ENTHD1: variants seen among roughly 807,000 people sequenced by gnomAD.
ENTHD1 encodes ENTH domain containing 1.
In ENTHD1, 23 loss-of-function variants were observed where a neutral mutation model predicts 39.1. The observed-to-expected ratio is 0.59, with a 90% CI of 0.42 to 0.83. The LOEUF (loss-of-function observed/expected upper bound fraction) is 0.83, where lower values mean the gene tolerates loss of function less well. Among genes scored for constraint, ENTHD1 ranks in the 40% least tolerant of loss-of-function variants. The probability of loss-of-function intolerance (pLI) is 0.00; values close to 1 mark genes in which losing one functional copy is unlikely to be tolerated. For missense variants in ENTHD1, 624 were observed against 705.4 expected, an observed-to-expected ratio of 0.88 and a Z score of 1.31; for synonymous variants, 230 against 258.2, an observed-to-expected ratio of 0.89 and a Z score of 1.05.
In ENTHD1 at chr22:39,867,140, C is replaced by T. The variant is rs192225857; in HGVS notation, c.350-5133G>A. ...GGATGGTCTTGATCTCCTGACCTCA[C>T]GATCCACCCACCTCAGCCTCCCAAA... On this transcript the variant is annotated intron_variant, in intron 2 of 6. Coordinates refer to ENST00000325157, the MANE Select transcript of ENTHD1 (RefSeq NM_152512.4). This position sits in a 1 kb window ranked among gnomAD's most constrained non-coding sequence, Gnocchi z 4.5. 7.1e-4 allele frequency among the ~76,000 whole-genome samples: 108 copies of T among 152,196 alleles called. No homozygotes were observed. The East Asian group carries it at 0.02, about 28-fold the overall frequency.
chr22:39,891,141 G>A (rs2066423533), intron 1 of ENTHD1, among the ~76,000 whole-genome samples: 1 of 152,222 alleles, frequency 6.6e-6, no homozygotes, highest in South Asian at 2.1e-4. Flanking sequence ...GAGGGAAGAA[G>A]TTAGGTATTT....
At chr22:39,778,028 A>C (rs1029833863) in intron 5 of ENTHD1, among the ~76,000 whole-genome samples, 9 of 152,342 alleles carry the variant, frequency 5.9e-5, no homozygotes, top group African/African-American at 2.2e-4. Flanking sequence ...AATGACAATA[A>C]AACCCTACAG....
intron 5 of ENTHD1, among the ~76,000 whole-genome samples, chr22:39,813,052 G>A (rs533084241): frequency 9.9e-5 from 15 of 152,248 alleles, no homozygotes; most frequent in African/African-American, 3.6e-4. Context: ...CAAAGTGCTG[G>A]GATTATAGGT....
chr22:39,818,852 A>G (rs961363327), intron 5 of ENTHD1, among the ~76,000 whole-genome samples: 2 of 152,136 alleles, frequency 1.3e-5, no homozygotes, highest in Non-Finnish European at 2.9e-5. Flanking sequence ...ATGCTCATTT[A>G]TACTCAATTT....
chr22:39,842,729 C>T (rs2065954598), intron 3 of ENTHD1, among the ~76,000 whole-genome samples: 2 of 150,972 alleles, frequency 1.3e-5, no homozygotes, highest in Admixed American at 1.3e-4. Context: ...GGGCTAATAT[C>T]CAGAATCTAC....
chr22:39,820,994 T>C lies in ENTHD1; in HGVS notation c.831A>G (p.Ala277=). 1 of 1,613,976 alleles carries C rather than the reference T, an allele frequency of 6.2e-7. No individual in the cohort carries two copies. Among genetic ancestry groups the C allele is most frequent in the Non-Finnish European group, 8.5e-7 (1 of 1,179,908 alleles). ...EAEEVCNLSG[A]DAVPTLSENS... is the part of the protein sequence containing the mutation. ...CTTCCTATTCCTTAACCAATTTACC[T>C]GCACCCGAAAGATTACAAACTTCTT... The change falls in exon 5 of 7, where the codon GCA becomes GCG. Residue 277 remains alanine (A), a splice_region_variant and synonymous_variant. Transcript: ENST00000325157.
chr22:39,769,167 T>A (rs1359775548), intron 5 of ENTHD1, among the ~76,000 whole-genome samples: 4 of 152,076 alleles, frequency 2.6e-5, no homozygotes, highest in Non-Finnish European at 5.9e-5. Context: ...AGTTACCAGT[T>A]CGATTTCACA....
intron 4 of ENTHD1, among the ~76,000 whole-genome samples, chr22:39,835,048 T>TATC (rs1335208139): frequency 1.3e-5 from 2 of 152,160 alleles, no homozygotes; most frequent in African/African-American, 4.8e-5. Context: ...TGTTTACACG[T>TATC]ATCTATACAT....
intron 6 of ENTHD1, among the ~76,000 whole-genome samples, chr22:39,763,898 C>A (rs1235615399): frequency 1.3e-5 from 2 of 152,104 alleles, no homozygotes; most frequent in African/African-American, 4.8e-5. Flanking sequence ...GACAGCCAGG[C>A]ACATAATCCA....
At chr22:39,855,647 CCCTT>C (rs1285920276) in intron 3 of ENTHD1, among the ~76,000 whole-genome samples, 8 of 151,820 alleles carry the variant, frequency 5.3e-5, no homozygotes, top group African/African-American at 1.9e-4. Context: ...TTTTCAATCT[CCCTT>C]CCTTTCTCCT....
At chr22:39,891,325 G>A (rs947921827) in intron 1 of ENTHD1, among the ~76,000 whole-genome samples, 3 of 152,122 alleles carry the variant, frequency 2.0e-5, no homozygotes, top group Non-Finnish European at 4.4e-5. Context: ...GGACCTTGAC[G>A]GTCTTATTTA....
intron 3 of ENTHD1, among the ~76,000 whole-genome samples, chr22:39,855,810 A>T (rs1384165209): frequency 6.6e-6 from 1 of 152,214 alleles, no homozygotes; most frequent in African/African-American, 2.4e-5. Context: ...GAGCCATATC[A>T]GTCATAGAAC....
intron 5 of ENTHD1, among the ~76,000 whole-genome samples, chr22:39,807,913 G>A (rs113147787): frequency 0.099 from 14,835 of 150,272 alleles, 773 homozygotes; most frequent in South Asian, 0.12. Flanking sequence ...GTGTGTGTGT[G>A]TATATATATA....
intron 5 of ENTHD1, among the ~76,000 whole-genome samples, chr22:39,782,710 C>T (rs1174558779): frequency 6.6e-6 from 1 of 151,944 alleles, no homozygotes; most frequent in Non-Finnish European, 1.5e-5. Flanking sequence ...GAACAAAAAC[C>T]ATATGATTAT....
chr22:39,887,309 T>C, intron 2 of ENTHD1, 91 bp downstream of exon 2: 1 of 1,110,096 alleles, frequency 9.0e-7, no homozygotes, highest in Non-Finnish European at 1.3e-6. Context: ...ATGCCTGGGC[T>C]CATGCAGTCC....
At chr22:39,809,601 C>T (rs1034275916) in intron 5 of ENTHD1, among the ~76,000 whole-genome samples, 1 of 152,202 alleles carries the variant, frequency 6.6e-6, no homozygotes, top group Non-Finnish European at 1.5e-5. Flanking sequence ...GGATCTATTA[C>T]ATACAATTTG....
intron 6 of ENTHD1, among the ~76,000 whole-genome samples, chr22:39,764,821 C>T (rs1045047483): frequency 1.6e-4 from 25 of 151,732 alleles, no homozygotes; most frequent in Admixed American, 3.9e-4. Flanking sequence ...GGCACACATA[C>T]ACCCGTGTGT....
In ENTHD1 at chr22:39,762,555, G is replaced by A. The variant is rs747116400; in HGVS notation, c.1219+2668C>T. On this transcript the variant is annotated intron_variant, in intron 6 of 6. Transcript: ENST00000325157. ...TAGCCTCAACCTCTTGGGCTCAAGT[G>A]ATCCTCCTGCCTCAGCTTCCAGGGT... Among the ~76,000 whole-genome samples the A allele has an allele frequency of 5.3e-5, 8 of 151,978 alleles. No homozygotes were observed. The South Asian group carries it at 1.0e-3, about 20-fold the overall frequency.
At chr22:39,857,412 C>T (rs9619835) in intron 3 of ENTHD1, among the ~76,000 whole-genome samples, 4,650 of 135,144 alleles carry the variant, frequency 0.034, 247 homozygotes, top group African/African-American at 0.12. Context: ...CATTGCTCTC[C>T]AGCCTGGACA....
Sources: gnomAD v4.1 joint callset for allele counts (sites outside exome capture counted in the v4.1 genomes callset) on GRCh38, gnomAD v4.1.1 for gene constraint, Gnocchi (gnomAD v3.1) non-coding constraint, MANE v1.5 for transcripts, NCBI Gene and HGNC (gene_info 2026-07-23, HGNC 2026-07-21) for gene names.